The following OGA variants were observed in gnomAD, a reference collection of about 807,000 sequenced individuals.
The protein encoded by OGA is O-GlcNAcase.
OGA carries 21 observed loss-of-function variants against 102.0 expected under a neutral mutation model. The observed-to-expected ratio is 0.21, with a 90% CI of 0.15 to 0.30. The LOEUF (loss-of-function observed/expected upper bound fraction) is 0.30, where lower values mean the gene tolerates loss of function less well. Among genes scored for constraint, OGA ranks in the 10% least tolerant of loss-of-function variants. The pLI, the probability that OGA is intolerant of heterozygous loss-of-function variation, is 1.00. For synonymous variants in OGA, 408 were observed against 378.2 expected (o/e 1.08, Z -0.91); for missense variants, 765 against 1,107.8 (o/e 0.69, Z 4.39).
At chr10:101,800,882 C>A (rs1306046254) in intron 7 of OGA, among the ~76,000 whole-genome samples, 2 of 149,032 alleles carry the variant, frequency 1.3e-5, no homozygotes, top group Non-Finnish European at 3.0e-5. Context: ...TCAAGCAATT[C>A]TCCCACCTGA....
chr10:101,788,833 G>A (rs1359917193), intron 14 of OGA, among the ~76,000 whole-genome samples: 2 of 152,148 alleles, frequency 1.3e-5, no homozygotes, highest in Non-Finnish European at 2.9e-5. Context: ...AAAGTTTGGT[G>A]TCTGATTAAT....
At chr10:101,797,686 A>G in intron 10 of OGA, 1 of 538,796 alleles carries the variant, frequency 1.9e-6, no homozygotes, top group Non-Finnish European at 3.3e-6. Context: ...AGTGGTATAC[A>G]GGGTTCCATC....
At chr10:101,806,232 C>CAAAGAA in intron 5 of OGA, 89 bp from the exon 6 acceptor site, 5 of 787,424 alleles carry the variant, frequency 6.3e-6, no homozygotes, top group Non-Finnish European at 1.1e-5. Flanking sequence ...GACGGAGTCT[C>CAAAGAA]ACTCTTGATG....
intron 6 of OGA, among the ~76,000 whole-genome samples, chr10:101,804,349 T>C (rs2065438527): frequency 6.7e-6 from 1 of 149,372 alleles, no homozygotes; most frequent in South Asian, 2.1e-4. Context: ...CTCGGCTCAC[T>C]GTAAGCTCCG....
chr10:101,796,276 C>T (rs1291714495), intron 10 of OGA, among the ~76,000 whole-genome samples: 1 of 152,040 alleles, frequency 6.6e-6, no homozygotes, highest in Non-Finnish European at 1.5e-5. Flanking sequence ...CCCCCCAGCC[C>T]CACAAGATGA....
intron 7 of OGA, among the ~76,000 whole-genome samples, chr10:101,802,532 G>A (rs2065406592): frequency 6.6e-6 from 1 of 152,064 alleles, no homozygotes; most frequent in South Asian, 2.1e-4. Context: ...AGCCAGGCAT[G>A]GTGGCGCATG....
intron 8 of OGA, 52 bp from the exon 9 acceptor site, chr10:101,799,507 TTA>T: frequency 6.6e-7 from 1 of 1,516,634 alleles, no homozygotes; most frequent in Non-Finnish European, 9.0e-7. Flanking sequence ...ATAATCAGAA[TTA>T]GAGATAGAAC....
rs1478311535 is a variant in OGA, at chr10:101,785,765, G to A, written c.*686C>T. The A allele has an allele frequency of 6.6e-6, 1 of 152,432 alleles. No individual in the cohort carries two copies. Among genetic ancestry groups the A allele is most frequent in the African/African-American group, 2.4e-5 (1 of 41,428 alleles). The allele number at this position is 152,432 out of a possible 1,614,324, so 9.4% of individuals were successfully genotyped here. A position where few individuals can be genotyped will look rare whatever the true frequency, so the allele number is the denominator to read the frequency against. On this transcript the variant is annotated 3_prime_UTR_variant, in exon 16 of 16. Transcript: ENST00000361464. ...AAACAGTAAACACAAAGGATAGTCAGGTTACAGCTAGTTTATATACAAAGA... is the reference window on the plus strand; with the variant it reads ...AAACAGTAAACACAAAGGATAGTCAAGTTACAGCTAGTTTATATACAAAGA...
intron 14 of OGA, among the ~76,000 whole-genome samples, chr10:101,789,289 G>C (rs12245261): frequency 0.01 from 1,570 of 152,038 alleles, 30 homozygotes; most frequent in African/African-American, 0.032. Flanking sequence ...ACCTGAGGTC[G>C]GGAGTTTGAG....
intron 13 of OGA, 112 bp from the exon 14 acceptor site, chr10:101,791,200 G>T: frequency 7.9e-7 from 1 of 1,270,736 alleles, no homozygotes; most frequent in East Asian, 2.4e-5. Flanking sequence ...CCTACATTTG[G>T]TGTAAGAAAC....
At chr10:101,804,322 G>C (rs2082544631) in intron 6 of OGA, among the ~76,000 whole-genome samples, 1 of 149,272 alleles carries the variant, frequency 6.7e-6, no homozygotes, top group African/African-American at 2.5e-5. Flanking sequence ...GCCCAGGCTG[G>C]AGTACAGTGG....
intron 10 of OGA, among the ~76,000 whole-genome samples, chr10:101,794,406 G>A (rs1159773403): frequency 6.6e-6 from 1 of 152,190 alleles, no homozygotes; most frequent in Non-Finnish European, 1.5e-5. Context: ...CAACCTGTCT[G>A]AAGTCACATT....
At chr10:101,793,071 T>A (rs999687041) in intron 11 of OGA, 128 bp from the exon 12 acceptor site, 13 of 604,318 alleles carry the variant, frequency 2.2e-5, no homozygotes, top group Non-Finnish European at 3.7e-5. Flanking sequence ...AAGAGGGGTG[T>A]ACTATGCTTT....
At chr10:101,807,675 A>G (rs2065493812) in intron 5 of OGA, 55 bp downstream of exon 5, 16 of 1,241,774 alleles carry the variant, frequency 1.3e-5, no homozygotes, top group Middle Eastern at 2.0e-4. Flanking sequence ...ATGGTCCTTT[A>G]TAAGTTATAT....
rs779408774 is a variant in OGA, at chr10:101,786,434, C to G, written c.*17G>C. The G allele has an allele frequency of 6.3e-7, 1 of 1,597,988 alleles. No homozygotes were observed. The highest frequency in any genetic ancestry group is 1.3e-5 in the African/African-American group (1 of 74,270). ...GCAGTTAAGAGACTTTTGGACAGTT[C>G]ACAGTGTCAACAAATGTCACAGGCT... On this transcript the variant is annotated 3_prime_UTR_variant, in exon 16 of 16. Coordinates refer to ENST00000361464, the MANE Select transcript of OGA (RefSeq NM_012215.5).
chr10:101,791,509 A>G, intron 12 of OGA, 70 bp from the exon 13 acceptor site: 1 of 1,295,162 alleles, frequency 7.7e-7, no homozygotes, highest in African/African-American at 1.5e-5. Flanking sequence ...ATAACTCACA[A>G]GTCAGTCTGG....
intron 3 of OGA, among the ~76,000 whole-genome samples, chr10:101,812,484 G>A (rs1397997831): frequency 6.6e-6 from 1 of 152,142 alleles, no homozygotes; most frequent in Non-Finnish European, 1.5e-5. Context: ...TAGGGTTTAA[G>A]GACCAGTAAC....
At chr10:101,809,062 C>A (rs567547926) in intron 4 of OGA, among the ~76,000 whole-genome samples, 3 of 152,292 alleles carry the variant, frequency 2.0e-5, no homozygotes, top group African/African-American at 7.2e-5. Context: ...ATTAGGTTCA[C>A]CTAGTCTGTT....
rs746021163 is a variant in OGA at position 101,791,404 on chromosome 10, G to A, written c.2211C>T (p.Asp737=). 1.4e-5 allele frequency: 23 copies of A among 1,613,800 alleles called. No individual in the cohort carries two copies. Among genetic ancestry groups the A allele is most frequent in the Admixed American group, 3.3e-5 (2 of 59,992 alleles). Residue 737 remains aspartate, a synonymous_variant, in exon 13 of 16, where the codon GAC becomes GAT. Transcript: ENST00000361464. ...TTTGAAAGGGTAAACCCACTCCATC[G>A]TCATACATTTCTCTGCAAATCTTGT... is the stretch of plus-strand genomic sequence containing the variant. ...SVYKICREMY[D]DGVGLPFQSQ... is the part of the protein sequence containing the mutation.
Sources: allele counts gnomAD v4.1 joint callset (sites outside exome capture counted in the v4.1 genomes callset), GRCh38; gene constraint gnomAD v4.1.1; transcripts MANE v1.5; gene names NCBI Gene and HGNC (gene_info 2026-07-23, HGNC 2026-07-21).